The following CDH4 variants were observed in gnomAD, a reference collection of about 807,000 sequenced individuals.
The protein encoded by CDH4 is cadherin 4, also known as cadherin-4.
CDH4 carries 33 observed loss-of-function variants against 86.0 expected under a neutral mutation model. The ratio of observed to expected loss-of-function variants is 0.38; its 90% CI spans 0.29 to 0.51. The LOEUF (loss-of-function observed/expected upper bound fraction) is 0.51, where lower values mean the gene tolerates loss of function less well. Among genes scored for constraint, CDH4 ranks in the 20% least tolerant of loss-of-function variants. CDH4 has a pLI of 0.86. For missense variants in CDH4, 1,114 were observed against 1,307.4 expected, an observed-to-expected ratio of 0.85 and a Z score of 2.28; for synonymous variants, 555 against 549.4, an observed-to-expected ratio of 1.01 and a Z score of -0.14.
intron 2 of CDH4, among the ~76,000 whole-genome samples, chr20:61,496,935 T>C (rs147725155): frequency 2.6e-5 from 4 of 152,122 alleles, no homozygotes; most frequent in African/African-American, 9.7e-5. Context: ...AGGTGTTTTT[T>C]TTTGTTTGTT....
intron 2 of CDH4, among the ~76,000 whole-genome samples, chr20:61,333,754 C>T (rs1229822680): frequency 6.6e-6 from 1 of 152,264 alleles, no homozygotes; most frequent in African/African-American, 2.4e-5. Context: ...TGGTTTACTG[C>T]CCTTGTATCA....
At chr20:61,842,671 C>T (rs1156418339) in intron 4 of CDH4, among the ~76,000 whole-genome samples, 1 of 151,714 alleles carries the variant, frequency 6.6e-6, no homozygotes, top group African/African-American at 2.4e-5. Context: ...CAGCTAGTTT[C>T]CTGAGGACTT....
chr20:61,390,631 C>T (rs202227677), intron 2 of CDH4, among the ~76,000 whole-genome samples: 270 of 96,924 alleles, frequency 2.8e-3, no homozygotes, highest in African/African-American at 8.7e-3. Context: ...TGAGATCGTA[C>T]GGTCATAGGG....
rs1325841872 is a variant in CDH4 at position 61,565,230 on chromosome 20, G to GTCCTCT, written c.170-178332_170-178331insCCTCTT. Among the ~76,000 whole-genome samples the GTCCTCT allele has an allele frequency of 1.3e-3, 39 of 30,614 alleles. 5 individuals carry two copies. Among genetic ancestry groups the GTCCTCT allele is most frequent in the African/African-American group, 3.5e-3 (20 of 5,730 alleles). The allele number at this position is 30,614 out of a possible 152,430, so 20.1% of individuals were successfully genotyped here. A position where few individuals can be genotyped will look rare whatever the true frequency, so the allele number is the denominator to read the frequency against. Reference sequence around the variant, plus strand: ...GCGGTGCTCTCGGTGGTAGGTGGTGGTGGTGGTGGTGGCGGTGCTCTTGGT... The same window carrying GTCCTCT: ...GCGGTGCTCTCGGTGGTAGGTGGTGGTCCTCTTGGTGGTGGTGGCGGTGCTCTTGGT... On this transcript the variant is annotated intron_variant, in intron 2 of 15. Transcript: ENST00000614565.
chr20:61,350,043 T>G (rs570888466), intron 2 of CDH4, among the ~76,000 whole-genome samples: 1 of 152,168 alleles, frequency 6.6e-6, no homozygotes, highest in South Asian at 2.1e-4. Flanking sequence ...GCAGCCGCCC[T>G]CCAGTGCCAC....
chr20:61,934,306 ACAGTGCCGG>A (rs1438339233), intron 15 of CDH4, 86 bp downstream of exon 15: 2 of 1,401,418 alleles, frequency 1.4e-6, no homozygotes, highest in Admixed American at 5.3e-5. Context: ...AGCCATCTCC[ACAGTGCCGG>A]CGGCTGCCGT....
intron 4 of CDH4, 127 bp downstream of exon 4, chr20:61,773,309 T>A: frequency 1.1e-6 from 1 of 901,180 alleles, no homozygotes; most frequent in Non-Finnish European, 1.6e-6. Flanking sequence ...TCACCCTTTC[T>A]GTAATGAGAT....
At chr20:61,786,399 A>T (rs902978961) in intron 4 of CDH4, among the ~76,000 whole-genome samples, 4 of 152,096 alleles carry the variant, frequency 2.6e-5, no homozygotes, top group African/African-American at 9.7e-5. Flanking sequence ...ACCCACGGGG[A>T]TTCACATTGT....
chr20:61,478,678 C>A (rs776871285), intron 2 of CDH4, among the ~76,000 whole-genome samples: 101 of 152,142 alleles, frequency 6.6e-4, no homozygotes, highest in Admixed American at 7.9e-4. Flanking sequence ...CGAAGCCCGG[C>A]GTGTAGCAGA....
rs924240801 is a variant in CDH4, at chr20:61,663,107, G to A, written c.170-80456G>A. ...CCAGCGCAGGCAGTGTCGACATGAAGCAAACCATTGTTAAAATATTGACTG... is the reference window on the plus strand; with the variant it reads ...CCAGCGCAGGCAGTGTCGACATGAAACAAACCATTGTTAAAATATTGACTG... On this transcript the variant is annotated intron_variant, in intron 2 of 15. Transcript: ENST00000614565. The surrounding 1 kb of genome is among the most constrained non-coding windows in gnomAD (Gnocchi z 5.0). 3.9e-5 allele frequency among the ~76,000 whole-genome samples: 6 copies of A among 152,230 alleles called. No homozygotes were observed. The highest frequency in any genetic ancestry group is 1.2e-4 in the African/African-American group (5 of 41,462).
intron 2 of CDH4, among the ~76,000 whole-genome samples, chr20:61,668,328 G>A (rs1444446133): frequency 6.6e-6 from 1 of 152,234 alleles, no homozygotes; most frequent in Non-Finnish European, 1.5e-5. Flanking sequence ...CAGGCAGGGG[G>A]AATTTAGCCC....
intron 2 of CDH4, among the ~76,000 whole-genome samples, chr20:61,583,436 G>A (rs963828772): frequency 2.0e-5 from 3 of 152,064 alleles, no homozygotes; most frequent in Non-Finnish European, 2.9e-5. Context: ...TGTTTGAGGG[G>A]AGACGGGGGT....
intron 2 of CDH4, among the ~76,000 whole-genome samples, chr20:61,389,833 G>A (rs975735839): frequency 9.9e-5 from 15 of 152,082 alleles, no homozygotes; most frequent in South Asian, 2.1e-4. Context: ...GATTGACATC[G>A]TGCAGTCATA....
chr20:61,315,150 C>T (rs985053153), intron 2 of CDH4, among the ~76,000 whole-genome samples: 1 of 152,110 alleles, frequency 6.6e-6, no homozygotes, highest in Non-Finnish European at 1.5e-5. Context: ...CAAGGGGGAC[C>T]GGCCTCATCC....
chr20:61,661,250 C>A (rs144706563), intron 2 of CDH4, among the ~76,000 whole-genome samples: 3,037 of 152,216 alleles, frequency 0.02, 106 homozygotes, highest in African/African-American at 0.069. Flanking sequence ...GAGGCCAGCA[C>A]CCCCCAGGCT....
chr20:61,562,783 G>A (rs888275604), intron 2 of CDH4, among the ~76,000 whole-genome samples: 5 of 152,098 alleles, frequency 3.3e-5, no homozygotes, highest in Non-Finnish European at 5.9e-5. Context: ...AAGTTAAATC[G>A]GCTCTCTTTA....
chr20:61,605,653 A>G (rs950946788), intron 2 of CDH4, among the ~76,000 whole-genome samples: 6 of 148,816 alleles, frequency 4.0e-5, no homozygotes, highest in African/African-American at 7.5e-5. Context: ...CTCTGTCTCT[A>G]TCTCTGTCTT....
chr20:61,449,247 G>T (rs181080790), intron 2 of CDH4, among the ~76,000 whole-genome samples: 1 of 152,234 alleles, frequency 6.6e-6, no homozygotes, highest in Non-Finnish European at 1.5e-5. Context: ...ATCTCCACGG[G>T]GGGGCCGAGG....
chr20:61,582,477 C>T lies in CDH4; in HGVS notation c.170-161086C>T, dbSNP rs192074758. Among the ~76,000 whole-genome samples the T allele has an allele frequency of 6.6e-6, 1 of 152,238 alleles. No individual in the cohort carries two copies. The highest frequency in any genetic ancestry group is 1.5e-5 in the Non-Finnish European group (1 of 68,042). ...CCTGTGGCCCTGGGCTCCAGGCTAA[C>T]TCTCTGGAATGTTCCAACCTGGTTT... On this transcript the variant is annotated intron_variant, in intron 2 of 15. Transcript: ENST00000614565. This position sits in a 1 kb window ranked among gnomAD's most constrained non-coding sequence, Gnocchi z 4.2.
Sources: gnomAD v4.1 joint callset for allele counts (sites outside exome capture counted in the v4.1 genomes callset) on GRCh38, gnomAD v4.1.1 for gene constraint, Gnocchi (gnomAD v3.1) non-coding constraint, MANE v1.5 for transcripts, NCBI Gene and HGNC (gene_info 2026-07-23, HGNC 2026-07-21) for gene names.